DPYSL3: variants seen among roughly 807,000 people sequenced by gnomAD.
DPYSL3 encodes dihydropyrimidinase-related protein 3.
A neutral mutation model predicts 66.1 loss-of-function variants in DPYSL3; 16 were observed. That is an observed-to-expected ratio of 0.24 (90% confidence interval 0.16 to 0.37). DPYSL3 has a LOEUF of 0.37. Among genes scored for constraint, DPYSL3 ranks in the 10% least tolerant of loss-of-function variants. The pLI is 1.00. For synonymous variants in DPYSL3, 338 were observed against 345.1 expected, an observed-to-expected ratio of 0.98 and a Z score of 0.23; for missense variants, 738 against 916.2, an observed-to-expected ratio of 0.81 and a Z score of 2.51.
chr5:147,441,698 C>A (rs1386531599), intron 1 of DPYSL3, among the ~76,000 whole-genome samples: 1 of 152,154 alleles, frequency 6.6e-6, no homozygotes, highest in Non-Finnish European at 1.5e-5. Context: ...ATGACCTTGG[C>A]AAATTATTTT....
chr5:147,421,222 G>A (rs112185894), intron 2 of DPYSL3, among the ~76,000 whole-genome samples: 2,584 of 152,096 alleles, frequency 0.017, 84 homozygotes, highest in African/African-American at 0.059. Context: ...CACCAGTAAT[G>A]GACAAATAGA....
At chr5:147,415,608 A>G (rs757035695) in intron 4 of DPYSL3, 101 bp downstream of exon 4, 97 of 1,440,372 alleles carry the variant, frequency 6.7e-5, no homozygotes, top group Non-Finnish European at 7.6e-5. Flanking sequence ...TCAAGGTTCC[A>G]GGCTCCAAGT....
chr5:147,422,551 C>T (rs761882260), intron 2 of DPYSL3, among the ~76,000 whole-genome samples: 13 of 152,126 alleles, frequency 8.5e-5, no homozygotes, highest in Non-Finnish European at 1.8e-4. Flanking sequence ...CACATGCACA[C>T]GTATGTTTAT....
chr5:147,472,165 T>C (rs1001843181), intron 1 of DPYSL3, among the ~76,000 whole-genome samples: 10 of 152,204 alleles, frequency 6.6e-5, no homozygotes, highest in Non-Finnish European at 1.5e-4. Flanking sequence ...CCACCATCCA[T>C]TACACACTGC....
chr5:147,397,575 G>A (rs1332702758), intron 12 of DPYSL3, 91 bp downstream of exon 12: 1 of 1,356,514 alleles, frequency 7.4e-7, no homozygotes, highest in Non-Finnish European at 1.0e-6. Flanking sequence ...AGAGTCTAGA[G>A]ATCACAGTGC....
chr5:147,408,027 C>T (rs538672081), intron 7 of DPYSL3, among the ~76,000 whole-genome samples: 3 of 152,244 alleles, frequency 2.0e-5, no homozygotes, highest in East Asian at 1.9e-4. Context: ...ATGATTCCTT[C>T]TTCTCCCTGT....
At chr5:147,480,723 A>G (rs1753226102) in intron 1 of DPYSL3, among the ~76,000 whole-genome samples, 1 of 147,832 alleles carries the variant, frequency 6.8e-6, no homozygotes, top group Non-Finnish European at 1.5e-5. Flanking sequence ...TATTATTATT[A>G]TTATTATTAT....
intron 1 of DPYSL3, among the ~76,000 whole-genome samples, chr5:147,463,017 G>C (rs1752957044): frequency 6.6e-6 from 1 of 152,144 alleles, no homozygotes; most frequent in African/African-American, 2.4e-5. Flanking sequence ...TATAAGAACA[G>C]GTGGACCTAG....
chr5:147,476,457 A>C (rs1380507444), intron 1 of DPYSL3, among the ~76,000 whole-genome samples: 1 of 152,216 alleles, frequency 6.6e-6, no homozygotes, highest in Non-Finnish European at 1.5e-5. Flanking sequence ...GGAAATGAAG[A>C]CAAAAATAAG....
At chr5:147,408,187 G>A (rs1462392058) in intron 7 of DPYSL3, among the ~76,000 whole-genome samples, 3 of 152,136 alleles carry the variant, frequency 2.0e-5, no homozygotes, top group Non-Finnish European at 2.9e-5. Flanking sequence ...TCTGTGCTCC[G>A]TGCCAGTAGG....
At chr5:147,464,762 G>A (rs1275696497) in intron 1 of DPYSL3, among the ~76,000 whole-genome samples, 2 of 152,186 alleles carry the variant, frequency 1.3e-5, no homozygotes, top group Non-Finnish European at 2.9e-5. Context: ...AGCTGAGAGT[G>A]AGGAGCATCT....
At position 147,394,307 on chromosome 5, in the gene DPYSL3, A is replaced by T. The variant is rs10463275; in HGVS notation, c.1967-184T>A. Among the ~76,000 whole-genome samples, 32 of 152,326 alleles carry T rather than the reference A, an allele frequency of 2.1e-4. No homozygotes were observed. In the East Asian group the frequency reaches 6.0e-3, roughly 28 times the overall value. ...TTCTAGACTTTTCTTATGGCCCCGA[A>T]AACTAGCCTCTGGTAGGAAAAGCCA... is the stretch of plus-strand genomic sequence containing the variant. On this transcript the variant is annotated intron_variant, in intron 13 of 13. Transcript: ENST00000343218.
At chr5:147,495,946 T>C (rs1466895137) in intron 1 of DPYSL3, among the ~76,000 whole-genome samples, 3 of 152,132 alleles carry the variant, frequency 2.0e-5, no homozygotes, top group Non-Finnish European at 4.4e-5. Flanking sequence ...GCCAAGTCAA[T>C]CCGAAGACAA....
Position 147,486,964 on chromosome 5 carries a change from G to A in DPYSL3, c.381+22514C>T, listed in dbSNP as rs78179139. Among the ~76,000 whole-genome samples, 513 of 152,200 alleles carry A rather than the reference G, an allele frequency of 3.4e-3. 3 individuals carry two copies. The highest frequency in any genetic ancestry group is 0.01 in the African/African-American group (429 of 41,536). On this transcript the variant is annotated intron_variant, in intron 1 of 13. Transcript: ENST00000343218. ...ACCCCCAAACTCTACTGAATTTGTTGACATGTTTTAAGGGTAAGTGAGTTT... is the reference window on the plus strand; with the variant it reads ...ACCCCCAAACTCTACTGAATTTGTTAACATGTTTTAAGGGTAAGTGAGTTT...
intron 12 of DPYSL3, among the ~76,000 whole-genome samples, chr5:147,397,434 AT>A (rs1469888975): frequency 1.3e-5 from 2 of 152,192 alleles, no homozygotes; most frequent in African/African-American, 4.8e-5. Flanking sequence ...ATAAAGTACT[AT>A]AAAAATGTGG....
At chr5:147,488,750 C>T (rs945346569) in intron 1 of DPYSL3, among the ~76,000 whole-genome samples, 1 of 152,038 alleles carries the variant, frequency 6.6e-6, no homozygotes, top group African/African-American at 2.4e-5. Flanking sequence ...AGCAGTGGCT[C>T]ATCCCTGTAA....
rs755992859 is a variant in DPYSL3, at chr5:147,415,796, T to C, written c.733A>G (p.Ser245Gly). 8 of 1,613,970 alleles carry C rather than the reference T, an allele frequency of 5.0e-6. No homozygotes were observed. The highest frequency in any genetic ancestry group is 6.8e-6 in the Non-Finnish European group (8 of 1,179,982). Reference sequence around the variant, plus strand: ...ACATGCAGGGCATAGTCACAGCAACTCTTCCCATCAGCCCACTCTCTCCAT... The same window carrying C: ...ACATGCAGGGCATAGTCACAGCAACCCTTCCCATCAGCCCACTCTCTCCAT... ...EKWREWADGK[S>G]CCDYALHVDI... Residue 245 changes from serine to glycine, a missense_variant, in exon 4 of 14, where the codon AGT (serine) becomes GGT (glycine). Physicochemically the swap from Ser to Gly is moderately conservative, Grantham distance 56 (BLOSUM62 0). Coordinates refer to ENST00000343218, the MANE Select transcript of DPYSL3 (RefSeq NM_001197294.2).
At chr5:147,422,865 A>T (rs1752110950) in intron 2 of DPYSL3, among the ~76,000 whole-genome samples, 1 of 151,914 alleles carries the variant, frequency 6.6e-6, no homozygotes, top group East Asian at 1.9e-4. Context: ...GGGTGGGGGA[A>T]AGGGGAGGGA....
chr5:147,484,603 G>T (rs1418670348), intron 1 of DPYSL3, among the ~76,000 whole-genome samples: 1 of 152,148 alleles, frequency 6.6e-6, no homozygotes, highest in East Asian at 1.9e-4. Flanking sequence ...AATTCTTTGT[G>T]CAAGCTACAC....
Sources: allele counts gnomAD v4.1 joint callset (sites outside exome capture counted in the v4.1 genomes callset), GRCh38; gene constraint gnomAD v4.1.1; transcripts MANE v1.5; gene names NCBI Gene and HGNC (gene_info 2026-07-23, HGNC 2026-07-21).